Variants in CADM2 observed in about 807,000 individuals in gnomAD.
CADM2 encodes the protein immunoglobulin superfamily member 4D.
A neutral mutation model predicts 49.8 loss-of-function variants in CADM2; 12 were observed. The ratio of observed to expected loss-of-function variants is 0.24; its 90% CI spans 0.15 to 0.39. The LOEUF is 0.39. CADM2 is among the 10% of genes least tolerant of loss of function. The pLI, the probability that CADM2 is intolerant of heterozygous loss-of-function variation, is 1.00. For synonymous variants in CADM2, 214 were observed against 175.4 expected (o/e 1.22, Z -1.74); for missense variants, 378 against 492.3 (o/e 0.77, Z 2.20).
intron 1 of CADM2, among the ~76,000 whole-genome samples, chr3:85,463,674 C>A (rs9838811): frequency 0.25 from 37,613 of 151,990 alleles, 4,830 homozygotes; most frequent in South Asian, 0.34. Flanking sequence ...TAGATATGTT[C>A]TTTGACTGAG....
intron 1 of CADM2, among the ~76,000 whole-genome samples, chr3:85,503,957 C>T (rs2040216019): frequency 6.6e-6 from 1 of 152,150 alleles, no homozygotes; most frequent in Admixed American, 6.5e-5. Flanking sequence ...AGATTGTGAT[C>T]CATTAGTGAA....
intron 1 of CADM2, among the ~76,000 whole-genome samples, chr3:85,359,814 C>CA (rs2032221681): frequency 6.7e-6 from 1 of 149,320 alleles, no homozygotes; most frequent in Non-Finnish European, 1.5e-5. Flanking sequence ...TTAAATGCTG[C>CA]AAAAAATGTA....
chr3:85,395,130 T>A (rs557289369), intron 1 of CADM2, among the ~76,000 whole-genome samples: 117 of 148,868 alleles, frequency 7.9e-4, no homozygotes, highest in African/African-American at 2.7e-3. Context: ...AAAAAAAAAA[T>A]AAAGCAATAA....
At chr3:85,293,482 C>G (rs1347583625) in intron 1 of CADM2, among the ~76,000 whole-genome samples, 1 of 139,206 alleles carries the variant, frequency 7.2e-6, no homozygotes, top group East Asian at 2.0e-4. Flanking sequence ...AGAGACACAA[C>G]CAAAAAAGAG....
chr3:85,112,663 T>C (rs1026403137), intron 1 of CADM2, among the ~76,000 whole-genome samples: 1 of 151,858 alleles, frequency 6.6e-6, no homozygotes, highest in African/African-American at 2.4e-5. Context: ...TCCAAAATTA[T>C]ATTAACTCTA....
chr3:85,144,055 G>T (rs927748005), intron 1 of CADM2, among the ~76,000 whole-genome samples: 8 of 152,060 alleles, frequency 5.3e-5, no homozygotes, highest in Non-Finnish European at 8.8e-5. Flanking sequence ...TGCACTGTTT[G>T]TTCCTTAGAT....
intron 1 of CADM2, among the ~76,000 whole-genome samples, chr3:85,135,288 T>C (rs1312245689): frequency 6.6e-6 from 1 of 151,982 alleles, no homozygotes; most frequent in Admixed American, 6.6e-5. Context: ...ATGTAAACCT[T>C]TGGACATGAC....
At chr3:85,713,823 A>G (rs991538521) in intron 1 of CADM2, among the ~76,000 whole-genome samples, 5 of 152,202 alleles carry the variant, frequency 3.3e-5, no homozygotes, top group African/African-American at 1.2e-4. Flanking sequence ...AGCATGCCTT[A>G]AATACAAAAT....
chr3:85,316,253 T>C (rs1216493657), intron 1 of CADM2, among the ~76,000 whole-genome samples: 1 of 152,200 alleles, frequency 6.6e-6, no homozygotes, highest in Non-Finnish European at 1.5e-5. Context: ...TGACCATCTA[T>C]ATATATTAAT....
intron 1 of CADM2, among the ~76,000 whole-genome samples, chr3:85,009,284 A>G (rs2033877524): frequency 6.6e-6 from 1 of 152,222 alleles, no homozygotes; most frequent in South Asian, 2.1e-4. Flanking sequence ...AATAATATAT[A>G]AAAGTTATCA....
At chr3:85,080,512 A>G (rs1219038977) in intron 1 of CADM2, among the ~76,000 whole-genome samples, 1 of 152,116 alleles carries the variant, frequency 6.6e-6, no homozygotes, top group African/African-American at 2.4e-5. Context: ...GACATTAGCA[A>G]CATTAAGCTC....
rs1457337851 is a variant in CADM2 at position 84,959,020 on chromosome 3, C to T, written c.-588C>T. The T allele has an allele frequency of 5.0e-6, 1 of 200,252 alleles. No homozygotes were observed. Among genetic ancestry groups the T allele is most frequent in the South Asian group, 7.0e-5 (1 of 14,360 alleles). The allele number at this position is 200,252 out of a possible 1,614,324, so 12.4% of individuals were successfully genotyped here. A position where few individuals can be genotyped will look rare whatever the true frequency, so the allele number is the denominator to read the frequency against. ...CTGCCGCCGTCGCCGCTGCCGCTGC[C>T]GCCACAGCCGCCGCTGCAGCCGGAG... On this transcript the variant is annotated 5_prime_UTR_variant, in exon 1 of 10. Coordinates refer to ENST00000383699, the MANE Select transcript of CADM2 (RefSeq NM_001167675.2).
intron 1 of CADM2, among the ~76,000 whole-genome samples, chr3:85,288,013 G>A (rs2043679083): frequency 6.6e-6 from 1 of 151,548 alleles, no homozygotes; most frequent in South Asian, 2.1e-4. Flanking sequence ...AAGTTAATGG[G>A]TGCAGCACAC....
chr3:85,162,672 A>G (rs1462373360), intron 1 of CADM2, among the ~76,000 whole-genome samples: 2 of 152,148 alleles, frequency 1.3e-5, no homozygotes, highest in Admixed American at 1.3e-4. Flanking sequence ...TGTTATTAAC[A>G]TAGTATTTTT....
At chr3:85,930,305 T>C (rs1345563660) in intron 6 of CADM2, among the ~76,000 whole-genome samples, 2 of 152,128 alleles carry the variant, frequency 1.3e-5, no homozygotes, top group Admixed American at 6.5e-5. Context: ...AATTTTTCTT[T>C]TTTTAAAACT....
intron 1 of CADM2, among the ~76,000 whole-genome samples, chr3:85,278,725 T>C (rs2106877700): frequency 4.1e-5 from 1 of 24,484 alleles, no homozygotes; most frequent in East Asian, 7.2e-4. Context: ...TTCTTGTGTG[T>C]GTGTGTGTGT....
chr3:84,963,582 T>C (rs934278743), intron 1 of CADM2, among the ~76,000 whole-genome samples: 1 of 152,144 alleles, frequency 6.6e-6, no homozygotes, highest in African/African-American at 2.4e-5. Context: ...TGTTTGTTTG[T>C]TTTTTGCCGT....
intron 1 of CADM2, among the ~76,000 whole-genome samples, chr3:85,045,452 A>T (rs192772059): frequency 6.6e-6 from 1 of 152,232 alleles, no homozygotes; most frequent in East Asian, 1.9e-4. Flanking sequence ...TTATTTTACA[A>T]TGTGGGCTAT....
At chr3:85,198,741 C>T (rs2041410193) in intron 1 of CADM2, among the ~76,000 whole-genome samples, 1 of 151,802 alleles carries the variant, frequency 6.6e-6, no homozygotes. Flanking sequence ...TTGTGAATAG[C>T]ATAATTGGTG....
Sources: gnomAD v4.1 joint callset for allele counts (sites outside exome capture counted in the v4.1 genomes callset) on GRCh38, gnomAD v4.1.1 for gene constraint, MANE v1.5 for transcripts, NCBI Gene and HGNC (gene_info 2026-07-23, HGNC 2026-07-21) for gene names.